Variants in FMN2 observed in about 807,000 individuals in gnomAD.
FMN2 encodes formin 2, also known as formin-2.
A neutral mutation model predicts 142.3 loss-of-function variants in FMN2; 51 were observed. The observed-to-expected ratio is 0.36, with a 90% CI of 0.29 to 0.45. FMN2 has a LOEUF of 0.45. FMN2 is among the 20% of genes least tolerant of loss of function. FMN2 has a pLI of 1.00. For synonymous variants in FMN2, 882 were observed against 869.8 expected, an observed-to-expected ratio of 1.01 and a Z score of -0.25; for missense variants, 1,936 against 2,122.8, an observed-to-expected ratio of 0.91 and a Z score of 1.73.
chr1:240,244,872 A>G (rs1668026867), intron 6 of FMN2, among the ~76,000 whole-genome samples: 4 of 152,246 alleles, frequency 2.6e-5, no homozygotes. Flanking sequence ...ATTGTGGGAC[A>G]TCTAAGCTGG....
chr1:240,207,035 G>A lies in FMN2; in HGVS notation c.2223G>A (p.Ala741=), dbSNP rs144753167. 8.9e-5 allele frequency: 144 copies of A among 1,614,132 alleles called. 2 individuals carry two copies. In the South Asian group the frequency reaches 1.5e-3, roughly 16 times the overall value. Residue 741 remains alanine, a synonymous_variant, in exon 5 of 18, where the codon GCG becomes GCA. Transcript: ENST00000319653. ...TACGGCATCATAGGATTTTAGAGGC[G>A]AAATCGATACAGACTTCCCCCACGG... is the stretch of plus-strand genomic sequence containing the variant. ...KEVRHHRILE[A]KSIQTSPTEE...
intron 14 of FMN2, among the ~76,000 whole-genome samples, chr1:240,366,560 A>G (rs539550305): frequency 7.1e-6 from 1 of 140,218 alleles, no homozygotes; most frequent in Non-Finnish European, 1.5e-5. Flanking sequence ...TAAATTTGAG[A>G]TGGAGTTTCG....
At position 240,121,137 on chromosome 1, in the gene FMN2, C is replaced by T. The variant is rs184164539; in HGVS notation, c.1616-2042C>T. 3.6e-4 allele frequency among the ~76,000 whole-genome samples: 54 copies of T among 149,334 alleles called. No individual in the cohort carries two copies. In the East Asian group the frequency reaches 4.4e-3, roughly 12 times the overall value. The stretch of plus-strand genomic sequence containing the variant: ...GACCGCGCCACTGCGCGGGTGACAG[C>T]GAAAGTCTATCTCAAAAAAAAAAAA... On this transcript the variant is annotated intron_variant, in intron 1 of 17. Coordinates refer to ENST00000319653, the MANE Select transcript of FMN2 (RefSeq NM_020066.5).
chr1:240,144,517 A>T, intron 2 of FMN2: 1 of 1,496,364 alleles, frequency 6.7e-7, no homozygotes, highest in East Asian at 2.3e-5. Context: ...GTACTACCAC[A>T]TCCTCGCAGG....
chr1:240,128,846 A>G (rs35168461), intron 2 of FMN2, among the ~76,000 whole-genome samples: 6 of 152,166 alleles, frequency 3.9e-5, no homozygotes, highest in Non-Finnish European at 7.3e-5. Context: ...TAAGTGGACA[A>G]ACAGAAATTA....
At chr1:240,115,320 T>C (rs1661979632) in intron 1 of FMN2, among the ~76,000 whole-genome samples, 2 of 152,316 alleles carry the variant, frequency 1.3e-5, no homozygotes, top group South Asian at 4.1e-4. Context: ...AATAATCTAT[T>C]TGTTATAGTA....
chr1:240,432,145 A>G (rs2103165939), intron 15 of FMN2, among the ~76,000 whole-genome samples: 1 of 152,088 alleles, frequency 6.6e-6, no homozygotes, highest in Middle Eastern at 3.4e-3. Context: ...CAGTTTATAA[A>G]AAATAATTTT....
intron 15 of FMN2, among the ~76,000 whole-genome samples, chr1:240,399,955 G>C (rs1190140494): frequency 2.0e-5 from 3 of 152,142 alleles, no homozygotes; most frequent in Non-Finnish European, 4.4e-5. Context: ...GAGCTCTACA[G>C]ATCTGCTTGA....
chr1:240,269,441 C>T (rs1306653977), intron 7 of FMN2, among the ~76,000 whole-genome samples: 1 of 152,012 alleles, frequency 6.6e-6, no homozygotes, highest in Non-Finnish European at 1.5e-5. Context: ...GTTTTGATTA[C>T]TATAGCTTTG....
chr1:240,389,660 A>C (rs1017641371), intron 14 of FMN2, among the ~76,000 whole-genome samples: 6 of 152,196 alleles, frequency 3.9e-5, no homozygotes, highest in Admixed American at 1.3e-4. Context: ...GTATGTTTAA[A>C]AGAATTGTTG....
chr1:240,355,548 A>T (rs972290396), intron 13 of FMN2, among the ~76,000 whole-genome samples: 2 of 152,156 alleles, frequency 1.3e-5, no homozygotes, highest in Non-Finnish European at 2.9e-5. Context: ...TGAGATTTAG[A>T]GGTTATATAA....
chr1:240,280,568 C>A (rs1405987716), intron 7 of FMN2, among the ~76,000 whole-genome samples: 1 of 152,094 alleles, frequency 6.6e-6, no homozygotes, highest in Non-Finnish European at 1.5e-5. Context: ...ACTAAGCCCT[C>A]TTTTACAAGA....
At chr1:240,167,052 G>A (rs540897277) in intron 2 of FMN2, among the ~76,000 whole-genome samples, 2 of 152,204 alleles carry the variant, frequency 1.3e-5, no homozygotes, top group South Asian at 4.1e-4. Context: ...AACTTGGGAG[G>A]CAGAAGTTGC....
chr1:240,347,837 C>T (rs1327552536), intron 13 of FMN2, among the ~76,000 whole-genome samples: 2 of 152,188 alleles, frequency 1.3e-5, no homozygotes, highest in Non-Finnish European at 2.9e-5. Context: ...ATAATGGCCT[C>T]TAGCTGCATC....
At chr1:240,245,577 G>T (rs931956440) in intron 6 of FMN2, 6 of 471,106 alleles carry the variant, frequency 1.3e-5, no homozygotes, top group East Asian at 6.9e-5. Flanking sequence ...TAAGTGTCTG[G>T]TTTTTTTATG....
At chr1:240,429,806 G>A (rs1360075175) in intron 15 of FMN2, among the ~76,000 whole-genome samples, 2 of 151,374 alleles carry the variant, frequency 1.3e-5, no homozygotes, top group Non-Finnish European at 2.9e-5. Flanking sequence ...CCATTCCCCT[G>A]TTCATGGACA....
chr1:240,408,808 C>T (rs1029306663), intron 15 of FMN2, among the ~76,000 whole-genome samples: 1 of 152,058 alleles, frequency 6.6e-6, no homozygotes, highest in African/African-American at 2.4e-5. Flanking sequence ...TGAGTTTCTC[C>T]TGAAGCCTCT....
intron 13 of FMN2, among the ~76,000 whole-genome samples, chr1:240,345,583 G>C (rs1671881499): frequency 1.3e-5 from 2 of 152,052 alleles, no homozygotes; most frequent in South Asian, 2.1e-4. Flanking sequence ...CAATTCTCTT[G>C]TCTTATCCTC....
chr1:240,449,638 T>C (rs1675936449), intron 16 of FMN2, among the ~76,000 whole-genome samples: 1 of 152,194 alleles, frequency 6.6e-6, no homozygotes, highest in Non-Finnish European at 1.5e-5. Flanking sequence ...ACAATCATCA[T>C]GGCAAATTAG....
Sources: allele counts gnomAD v4.1 joint callset (sites outside exome capture counted in the v4.1 genomes callset), GRCh38; gene constraint gnomAD v4.1.1; transcripts MANE v1.5; gene names NCBI Gene and HGNC (gene_info 2026-07-23, HGNC 2026-07-21).